Variants in FBN1 observed in about 807,000 individuals in gnomAD.
FBN1 encodes fibrillin 1, also known as fibrillin-1.
In FBN1, 29 loss-of-function variants were observed where a neutral mutation model predicts 365.1. The observed-to-expected ratio is 0.08, with a 90% confidence interval of 0.06 to 0.11. The LOEUF is 0.11. Ranked by LOEUF, FBN1 falls within the 10% of genes least tolerant of loss-of-function variation. FBN1 has a pLI of 1.00. For missense variants in FBN1, 2,476 were observed against 3,703.2 expected, an observed-to-expected ratio of 0.67 and a Z score of 8.60; for synonymous variants, 1,210 against 1,270.5, an observed-to-expected ratio of 0.95 and a Z score of 1.01.
At chr15:48,555,475 T>C (rs1029246626) in intron 6 of FBN1, among the ~76,000 whole-genome samples, 4 of 152,200 alleles carry the variant, frequency 2.6e-5, no homozygotes, top group Admixed American at 2.6e-4. Context: ...AAACACTGCA[T>C]TTTGGGAAAA....
intron 2 of FBN1, among the ~76,000 whole-genome samples, chr15:48,620,836 T>G (rs1436536229): frequency 6.6e-6 from 1 of 152,032 alleles, no homozygotes; most frequent in Non-Finnish European, 1.5e-5. Context: ...ATACTATTAT[T>G]CAATAAAAGG....
intron 2 of FBN1, chr15:48,644,270 T>G: frequency 3.1e-6 from 1 of 318,554 alleles, no homozygotes; most frequent in Non-Finnish European, 6.0e-6. Flanking sequence ...ACAACCAGAA[T>G]TGATATTGCA....
Position 48,468,426 on chromosome 15 carries a change from C to T in FBN1, c.4568G>A (p.Arg1523Gln), listed in dbSNP as rs201546777. 2.4e-5 allele frequency: 39 copies of T among 1,614,122 alleles called. No homozygotes were observed. The highest frequency in any genetic ancestry group is 4.5e-5 in the East Asian group (2 of 44,884). Reference sequence around the variant, plus strand: ...TAAGGTCTTACCAACACAGCCAACTCGAGTTGGGTTCAGTTCAAAATCAGG... The same window carrying T: ...TAAGGTCTTACCAACACAGCCAACTTGAGTTGGGTTCAGTTCAAAATCAGG... The part of the protein sequence containing the change: ...CPPDFELNPT[R>Q]VGCVDTRSGN... Residue 1523 changes from arginine (R) to glutamine (Q), a missense_variant, in exon 37 of 66, where the codon CGA (arginine) becomes CAA (glutamine). By Grantham distance (43) the Arg-to-Gln change is conservative (BLOSUM62 1). This residue lies in a region of FBN1 where 1,780 missense variants were observed against 2,840.8 expected (regional missense o/e 0.63). Transcript: ENST00000316623.
chr15:48,536,416 A>T (rs879575979), intron 7 of FBN1, among the ~76,000 whole-genome samples: 3 of 152,176 alleles, frequency 2.0e-5, no homozygotes, highest in Non-Finnish European at 4.4e-5. Flanking sequence ...GGCAGTTAAA[A>T]GTCTAGCTCT....
intron 8 of FBN1, 141 bp downstream of exon 8, chr15:48,533,938 GT>G: frequency 7.9e-7 from 1 of 1,261,130 alleles, no homozygotes. Flanking sequence ...TATTATTACT[GT>G]TAAAAATATT....
chr15:48,473,344 A>G (rs556412052), intron 34 of FBN1, among the ~76,000 whole-genome samples: 1 of 152,364 alleles, frequency 6.6e-6, no homozygotes, highest in South Asian at 2.1e-4. Context: ...GCTCAGGATA[A>G]ATCAATGTTT....
intron 58 of FBN1, among the ~76,000 whole-genome samples, chr15:48,426,919 C>T (rs981792868): frequency 1.3e-5 from 2 of 152,140 alleles, no homozygotes; most frequent in African/African-American, 4.8e-5. Context: ...TAACCTCCTT[C>T]TTCCCCTTTC....
At chr15:48,454,322 T>C (rs1274531373) in intron 44 of FBN1, among the ~76,000 whole-genome samples, 2 of 152,118 alleles carry the variant, frequency 1.3e-5, no homozygotes, top group African/African-American at 4.8e-5. Context: ...AAACCTAACA[T>C]GGGAGTTATC....
chr15:48,575,759 A>G (rs2044341616), intron 6 of FBN1, among the ~76,000 whole-genome samples: 2 of 151,834 alleles, frequency 1.3e-5, no homozygotes, highest in South Asian at 2.1e-4. Flanking sequence ...TAGAATCAAC[A>G]TAAGGATTCA....
intron 4 of FBN1, among the ~76,000 whole-genome samples, chr15:48,603,975 AGAT>A (rs2044587068): frequency 6.6e-6 from 1 of 152,250 alleles, no homozygotes; most frequent in Non-Finnish European, 1.5e-5. Context: ...TGTTCATATC[AGAT>A]GTCAGTCAGT....
rs11856395 is a variant in FBN1 at position 48,487,580 on chromosome 15, C to T, written c.3338-143G>A. On this transcript the variant is annotated intron_variant, in intron 27 of 65. Transcript: ENST00000316623. ...CAACTCTCTGGTGCTATTCATACAC[C>T]AGATCTCCCTGCAGGATCAGACTAA... 5.5e-3 allele frequency: 6,617 copies of T among 1,192,840 alleles called. 25 individuals are homozygous for T. Among genetic ancestry groups the T allele is most frequent in the Non-Finnish European group, 7.0e-3 (5,743 of 817,126 alleles). 73.9% of individuals were successfully genotyped at this position (1,192,840 alleles called of 1,614,324 possible).
intron 50 of FBN1, among the ~76,000 whole-genome samples, chr15:48,438,870 A>G (rs2043092383): frequency 6.6e-6 from 1 of 152,150 alleles, no homozygotes; most frequent in South Asian, 2.1e-4. Context: ...TTTCCCTCGA[A>G]CTTGACTTCT....
At chr15:48,544,470 G>C (rs1184288167) in intron 6 of FBN1, among the ~76,000 whole-genome samples, 1 of 152,130 alleles carries the variant, frequency 6.6e-6, no homozygotes, top group Non-Finnish European at 1.5e-5. Flanking sequence ...TTCTACATTA[G>C]TATTTTCCCT....
chr15:48,497,433 T>A (rs768712047), intron 18 of FBN1, 42 bp from the exon 19 acceptor site: 2 of 1,560,400 alleles, frequency 1.3e-6, no homozygotes, highest in East Asian at 4.5e-5. Context: ...GATTATAAAA[T>A]AAATACTGAA....
intron 9 of FBN1, among the ~76,000 whole-genome samples, chr15:48,524,941 T>C (rs1373093963): frequency 1.3e-5 from 2 of 152,232 alleles, no homozygotes; most frequent in Non-Finnish European, 2.9e-5. Flanking sequence ...CCATCTGATA[T>C]GTAAATATGT....
intron 48 of FBN1, 119 bp downstream of exon 48, chr15:48,445,256 TA>T: frequency 1.0e-6 from 1 of 986,510 alleles, no homozygotes; most frequent in Non-Finnish European, 1.6e-6. Context: ...AGGATTAATA[TA>T]ATTCTACTCT....
intron 15 of FBN1, among the ~76,000 whole-genome samples, chr15:48,506,176 T>C (rs2043705980): frequency 6.6e-6 from 1 of 152,168 alleles, no homozygotes; most frequent in African/African-American, 2.4e-5. Flanking sequence ...TGAGCTGAGA[T>C]TGTGCCACTG....
At chr15:48,491,940 G>A (rs904650920) in intron 24 of FBN1, among the ~76,000 whole-genome samples, 3 of 152,164 alleles carry the variant, frequency 2.0e-5, no homozygotes, top group African/African-American at 7.2e-5. Flanking sequence ...AATTTGGCTA[G>A]AGGATCCCAT....
chr15:48,446,566 T>C, intron 47 of FBN1, 140 bp downstream of exon 47: 2 of 710,676 alleles, frequency 2.8e-6, no homozygotes, highest in Non-Finnish European at 5.2e-6. Context: ...ACATTGTATT[T>C]GACAAGTCCC....
Sources: allele counts gnomAD v4.1 joint callset (sites outside exome capture counted in the v4.1 genomes callset), GRCh38; gene constraint gnomAD v4.1.1; regional missense constraint gnomAD v4.1.1; transcripts MANE v1.5; gene names NCBI Gene and HGNC (gene_info 2026-07-23, HGNC 2026-07-21).